Variants in TAFA2 observed in about 807,000 individuals in gnomAD.
TAFA2 encodes chemokine-like protein TAFA-2.
A neutral mutation model predicts 18.8 loss-of-function variants in TAFA2; 7 were observed. That is an observed-to-expected ratio of 0.37 (90% confidence interval 0.21 to 0.70). TAFA2 has a LOEUF of 0.70. TAFA2 is among the 30% of genes least tolerant of loss of function. The probability of loss-of-function intolerance (pLI) is 0.53; values close to 1 mark genes in which losing one functional copy is unlikely to be tolerated. For synonymous variants in TAFA2, 60 were observed against 54.2 expected, an observed-to-expected ratio of 1.11 and a Z score of -0.47; for missense variants, 122 against 158.1, an observed-to-expected ratio of 0.77 and a Z score of 1.23.
chr12:61,734,878 G>A (rs543388196), intron 4 of TAFA2, among the ~76,000 whole-genome samples: 98 of 151,766 alleles, frequency 6.5e-4, no homozygotes, highest in African/African-American at 2.3e-3. Context: ...TTCTTTCCCT[G>A]TGCCAAATAC....
intron 1 of TAFA2, among the ~76,000 whole-genome samples, chr12:62,085,099 G>A (rs1163985556): frequency 6.6e-6 from 1 of 152,112 alleles, no homozygotes; most frequent in Non-Finnish European, 1.5e-5. Context: ...TGCTGCAGTA[G>A]CATCCCAGAC....
chr12:61,743,714 T>C (rs1868563096), intron 4 of TAFA2, among the ~76,000 whole-genome samples: 1 of 152,044 alleles, frequency 6.6e-6, no homozygotes, highest in Admixed American at 6.6e-5. Flanking sequence ...TGTGGGAACA[T>C]TATGTGTTAT....
chr12:62,027,612 AGAGT>A (rs1457144242), intron 1 of TAFA2, among the ~76,000 whole-genome samples: 4 of 152,190 alleles, frequency 2.6e-5, no homozygotes, highest in Admixed American at 6.5e-5. Context: ...TACGATACAC[AGAGT>A]AAGTTGTACC....
At chr12:61,947,512 A>C (rs1044120967) in intron 1 of TAFA2, among the ~76,000 whole-genome samples, 5 of 152,178 alleles carry the variant, frequency 3.3e-5, no homozygotes, top group African/African-American at 1.2e-4. Flanking sequence ...CATTCGTTTT[A>C]TCTCAAGCTT....
chr12:62,153,929 ATGT>A (rs2062348947), intron 1 of TAFA2, among the ~76,000 whole-genome samples: 1 of 142,142 alleles, frequency 7.0e-6, no homozygotes, highest in African/African-American at 2.5e-5. Context: ...AAATTATGTT[ATGT>A]TATGTTATGT....
At chr12:62,244,580 C>T (rs1035568463) in intron 1 of TAFA2, among the ~76,000 whole-genome samples, 2 of 152,100 alleles carry the variant, frequency 1.3e-5, no homozygotes, top group African/African-American at 2.4e-5. Flanking sequence ...AGTTTCACTA[C>T]GGTAGATTCC....
intron 1 of TAFA2, among the ~76,000 whole-genome samples, chr12:61,887,263 G>A (rs1307871642): frequency 1.3e-5 from 2 of 152,144 alleles, no homozygotes; most frequent in Non-Finnish European, 2.9e-5. Context: ...GAAGTCTGGA[G>A]TACTATGTCT....
At chr12:61,813,201 A>G (rs962262235) in intron 2 of TAFA2, among the ~76,000 whole-genome samples, 4 of 151,284 alleles carry the variant, frequency 2.6e-5, no homozygotes, top group Non-Finnish European at 5.9e-5. Flanking sequence ...TGACAATTTT[A>G]TGTTCAAAAA....
chr12:62,079,612 C>T (rs970728788), intron 1 of TAFA2, among the ~76,000 whole-genome samples: 7 of 151,098 alleles, frequency 4.6e-5, no homozygotes, highest in African/African-American at 1.7e-4. Flanking sequence ...TGCAGTAAGC[C>T]GAGATCGTGC....
chr12:61,736,487 G>T (rs927605185), intron 4 of TAFA2, among the ~76,000 whole-genome samples: 3 of 151,896 alleles, frequency 2.0e-5, no homozygotes, highest in Admixed American at 1.3e-4. Flanking sequence ...ATTTATTATT[G>T]GTATTTTTCT....
intron 4 of TAFA2, among the ~76,000 whole-genome samples, chr12:61,725,430 G>C (rs887213475): frequency 3.3e-5 from 5 of 151,994 alleles, no homozygotes; most frequent in South Asian, 2.1e-4. Flanking sequence ...TAACATTTAA[G>C]CCTTTGATCC....
intron 2 of TAFA2, among the ~76,000 whole-genome samples, chr12:61,778,844 GC>G (rs1477943767): frequency 6.6e-6 from 1 of 151,768 alleles, no homozygotes; most frequent in African/African-American, 2.4e-5. Flanking sequence ...TCACCATCTA[GC>G]CCCCATCTGC....
chr12:62,010,497 A>C (rs1285531056), intron 1 of TAFA2, among the ~76,000 whole-genome samples: 1 of 152,070 alleles, frequency 6.6e-6, no homozygotes, highest in Non-Finnish European at 1.5e-5. Flanking sequence ...GCGTGATCTC[A>C]GCTCGCTGCA....
At chr12:61,956,482 A>G (rs937826354) in intron 1 of TAFA2, among the ~76,000 whole-genome samples, 98 of 152,222 alleles carry the variant, frequency 6.4e-4, no homozygotes, top group Non-Finnish European at 7.4e-5. Flanking sequence ...TTATAAAATG[A>G]CTACATTTTC....
At chr12:62,113,563 A>T (rs1869828684) in intron 1 of TAFA2, among the ~76,000 whole-genome samples, 1 of 152,224 alleles carries the variant, frequency 6.6e-6, no homozygotes, top group Admixed American at 6.5e-5. Flanking sequence ...GCAGACAGGT[A>T]CGTTCAAGTC....
chr12:61,770,952 C>A (rs1392442827), intron 2 of TAFA2, among the ~76,000 whole-genome samples: 44 of 151,966 alleles, frequency 2.9e-4, no homozygotes, highest in Admixed American at 2.9e-3. Flanking sequence ...TGCAGAATGG[C>A]AGAATGGATA....
chr12:62,032,235 G>A (rs1881478680), intron 1 of TAFA2, among the ~76,000 whole-genome samples: 1 of 152,104 alleles, frequency 6.6e-6, no homozygotes, highest in Non-Finnish European at 1.5e-5. Flanking sequence ...ATATAGCTAT[G>A]AGGAGGAAAA....
intron 1 of TAFA2, among the ~76,000 whole-genome samples, chr12:61,912,772 C>T (rs1451097009): frequency 6.6e-6 from 1 of 152,146 alleles, no homozygotes; most frequent in Non-Finnish European, 1.5e-5. Flanking sequence ...TTGTGAACAA[C>T]TGTGATAAAA....
intron 4 of TAFA2, among the ~76,000 whole-genome samples, chr12:61,730,508 G>A (rs1317461452): frequency 6.6e-6 from 1 of 152,090 alleles, no homozygotes; most frequent in African/African-American, 2.4e-5. Context: ...GCCTACCAGG[G>A]TAGGTAGAGA....
Sources: gnomAD v4.1 joint callset for allele counts (sites outside exome capture counted in the v4.1 genomes callset) on GRCh38, gnomAD v4.1.1 for gene constraint, MANE v1.5 for transcripts, NCBI Gene and HGNC (gene_info 2026-07-23, HGNC 2026-07-21) for gene names.